Variants in NEXMIF observed in about 807,000 individuals in gnomAD.
The protein encoded by NEXMIF is XLMR protein related to neurite extension.
A neutral mutation model predicts 62.1 loss-of-function variants in NEXMIF; 8 were observed. The observed-to-expected ratio is 0.13, with a 90% confidence interval of 0.08 to 0.23. NEXMIF has a LOEUF of 0.23. NEXMIF is among the 10% of genes least tolerant of loss of function. The pLI is 1.00. For missense variants in NEXMIF, 976 were observed against 1,113.3 expected (o/e 0.88, Z 1.75); for synonymous variants, 404 against 416.6 (o/e 0.97, Z 0.37).
chrX:74,796,252 A>G (rs1347558769), intron 1 of NEXMIF, among the ~76,000 whole-genome samples: 1 of 50,956 alleles, frequency 2.0e-5, no homozygotes, highest in African/African-American at 6.5e-5. Context: ...ATACACATAT[A>G]TATTATATAT....
intron 1 of NEXMIF, among the ~76,000 whole-genome samples, chrX:74,788,722 G>C (rs2080268188): frequency 9.0e-6 from 1 of 111,227 alleles, no homozygotes. Context: ...ACTTCCTGAA[G>C]CAGTATAAAG....
chrX:74,760,503 A>G (rs2080172648), intron 1 of NEXMIF, among the ~76,000 whole-genome samples: 1 of 112,147 alleles, frequency 8.9e-6, no homozygotes, highest in Non-Finnish European at 1.9e-5. Flanking sequence ...TTGCCCATTC[A>G]GTATGATGTT....
At chrX:74,782,989 C>A (rs904912382) in intron 1 of NEXMIF, among the ~76,000 whole-genome samples, 9 of 111,426 alleles carry the variant, frequency 8.1e-5, no homozygotes, top group Admixed American at 1.9e-4. Flanking sequence ...TTATTCATTG[C>A]TTGCCTGCTA....
intron 1 of NEXMIF, among the ~76,000 whole-genome samples, chrX:74,746,011 G>A (rs1258954824): frequency 1.8e-5 from 2 of 111,895 alleles, no homozygotes; most frequent in African/African-American, 6.5e-5. Flanking sequence ...AATCATGGTT[G>A]CCTGATTAAG....
chrX:74,746,178 A>C (rs1304352786), intron 1 of NEXMIF, among the ~76,000 whole-genome samples: 1 of 112,355 alleles, frequency 8.9e-6, no homozygotes, highest in East Asian at 2.8e-4. Context: ...ACACACATAT[A>C]CATCATATTC....
At chrX:74,784,080 T>C (rs1452100633) in intron 1 of NEXMIF, among the ~76,000 whole-genome samples, 2 of 111,839 alleles carry the variant, frequency 1.8e-5, no homozygotes, top group Non-Finnish European at 1.9e-5. Context: ...CTCAAAATCG[T>C]ATTTCAATAG....
intron 1 of NEXMIF, among the ~76,000 whole-genome samples, chrX:74,863,171 CAA>C (rs59749275): frequency 1.1e-3 from 97 of 89,077 alleles, no homozygotes; most frequent in African/African-American, 1.7e-3. Context: ...GACTACATCT[CAA>C]AAAAAAAAAA....
intron 1 of NEXMIF, among the ~76,000 whole-genome samples, chrX:74,758,344 A>G (rs1339898193): frequency 8.9e-6 from 1 of 111,872 alleles, no homozygotes; most frequent in African/African-American, 3.2e-5. Flanking sequence ...AACTTTGATA[A>G]GTGATATAGA....
chrX:74,751,154 C>T (rs190626090), intron 1 of NEXMIF, among the ~76,000 whole-genome samples: 15 of 111,055 alleles, frequency 1.4e-4, no homozygotes, highest in Non-Finnish European at 1.9e-4. Flanking sequence ...TGCTTGAACC[C>T]GGGAGGTTGA....
intron 1 of NEXMIF, among the ~76,000 whole-genome samples, chrX:74,819,783 C>T (rs1214443451): frequency 9.0e-6 from 1 of 111,673 alleles, no homozygotes; most frequent in Non-Finnish European, 1.9e-5. Flanking sequence ...GTGTAGCGAT[C>T]CCTCAAGATT....
intron 1 of NEXMIF, among the ~76,000 whole-genome samples, chrX:74,838,595 T>C (rs1188283389): frequency 4.4e-5 from 5 of 112,386 alleles, no homozygotes; most frequent in Admixed American, 9.4e-5. Context: ...CAACATATGG[T>C]AACAATACAG....
At chrX:74,856,662 A>T (rs2080536142) in intron 1 of NEXMIF, among the ~76,000 whole-genome samples, 1 of 111,107 alleles carries the variant, frequency 9.0e-6, no homozygotes, top group Admixed American at 9.6e-5. Flanking sequence ...AAAACTGACA[A>T]CTATCTACAC....
chrX:74,850,379 C>T (rs1025923435), intron 1 of NEXMIF, among the ~76,000 whole-genome samples: 1 of 112,479 alleles, frequency 8.9e-6, no homozygotes, highest in African/African-American at 3.2e-5. Context: ...ACCACTACCA[C>T]TTCTGGCACC....
chrX:74,884,748 G>A (rs1176744780), intron 1 of NEXMIF, among the ~76,000 whole-genome samples: 3 of 111,419 alleles, frequency 2.7e-5, no homozygotes, highest in Middle Eastern at 4.6e-3. Context: ...GTGACAGAGA[G>A]TTAACAAGGA....
chrX:74,921,557 G>C (rs759910604), intron 1 of NEXMIF, among the ~76,000 whole-genome samples: 16 of 111,267 alleles, frequency 1.4e-4, no homozygotes, highest in Non-Finnish European at 2.8e-4. Flanking sequence ...GTACGTAGTA[G>C]GTGTATATAT....
chrX:74,808,655 G>C (rs755842476), intron 1 of NEXMIF, among the ~76,000 whole-genome samples: 1 of 111,919 alleles, frequency 8.9e-6, no homozygotes, highest in Non-Finnish European at 1.9e-5. Flanking sequence ...TAACTTCTTC[G>C]TTAAAAGTTT....
intron 1 of NEXMIF, among the ~76,000 whole-genome samples, chrX:74,872,467 A>G (rs1178224704): frequency 9.2e-6 from 1 of 108,620 alleles, no homozygotes; most frequent in Non-Finnish European, 1.9e-5. Flanking sequence ...GGGGGAAATG[A>G]CAGTTAGTGG....
intron 1 of NEXMIF, among the ~76,000 whole-genome samples, chrX:74,887,410 G>A (rs1229222039): frequency 4.5e-5 from 5 of 111,230 alleles, no homozygotes; most frequent in Non-Finnish European, 9.4e-5. Flanking sequence ...ATCTGACAAA[G>A]GGCTAATATC....
At chrX:74,892,835 G>A (rs2080722116) in intron 1 of NEXMIF, among the ~76,000 whole-genome samples, 1 of 112,020 alleles carries the variant, frequency 8.9e-6, no homozygotes, top group African/African-American at 3.2e-5. Flanking sequence ...AAAACCACAG[G>A]GGGAATGGAA....
Sources: allele counts gnomAD v4.1 joint callset (sites outside exome capture counted in the v4.1 genomes callset), GRCh38; gene constraint gnomAD v4.1.1; transcripts MANE v1.5; gene names NCBI Gene and HGNC (gene_info 2026-07-23, HGNC 2026-07-21).